Variants in TRAK1 observed in about 807,000 individuals in gnomAD.
TRAK1 encodes trafficking kinesin-binding protein 1.
A neutral mutation model predicts 92.1 loss-of-function variants in TRAK1; 33 were observed. That is an observed-to-expected ratio of 0.36 (90% CI 0.27 to 0.48). TRAK1 has a LOEUF of 0.48. Among genes scored for constraint, TRAK1 ranks in the 20% least tolerant of loss-of-function variants. The pLI is 0.99. For missense variants in TRAK1, 1,123 were observed against 1,257.9 expected (o/e 0.89, Z 1.62); for synonymous variants, 521 against 517.3 (o/e 1.01, Z -0.10).
intron 10 of TRAK1, among the ~76,000 whole-genome samples, chr3:42,195,321 A>C (rs771778294): frequency 1.3e-5 from 2 of 152,222 alleles, no homozygotes; most frequent in Non-Finnish European, 2.9e-5. Context: ...TAGACATTTA[A>C]TAGACATTAC....
intron 1 of TRAK1, among the ~76,000 whole-genome samples, chr3:42,107,056 C>G (rs1025024373): frequency 5.3e-5 from 8 of 152,130 alleles, no homozygotes; most frequent in African/African-American, 1.9e-4. Context: ...TTGCTTGTCC[C>G]CTAGTTAGAG....
intron 1 of TRAK1, among the ~76,000 whole-genome samples, chr3:42,078,301 G>A (rs1246547028): frequency 6.6e-6 from 1 of 152,126 alleles, no homozygotes; most frequent in East Asian, 1.9e-4. Flanking sequence ...AGTCAAGCAC[G>A]GATCTAGATA....
chr3:42,029,526 G>A (rs979926430), intron 1 of TRAK1, among the ~76,000 whole-genome samples: 11 of 151,750 alleles, frequency 7.2e-5, no homozygotes, highest in African/African-American at 2.7e-4. Context: ...ACAGGTATGA[G>A]TCAGTGTGCC....
intron 9 of TRAK1, 122 bp downstream of exon 9, chr3:42,194,020 T>A: frequency 1.0e-6 from 1 of 956,212 alleles, no homozygotes. Context: ...TCATTTCATT[T>A]TTATTCGTGG....
chr3:42,202,658 C>G lies in TRAK1; in HGVS notation c.1650C>G (p.His550Gln). The change falls in exon 13 of 16, where the codon CAC (histidine) becomes CAG (glutamine). Residue 550 changes from histidine to glutamine, a missense_variant. His to Gln is a conservative substitution (Grantham distance 24). Transcript: ENST00000327628. This position sits in a 1 kb window ranked among gnomAD's most constrained non-coding sequence, Gnocchi z 6.1. ...AGAGCATCATGTCCCTGGGCACGCA[C>G]TCCCGCTTCTCCGAGTTCACCGGCT... The part of the protein sequence containing the change: ...PTESIMSLGT[H>Q]SRFSEFTGFS... The G allele has an allele frequency of 6.2e-7, 1 of 1,613,390 alleles. No homozygotes were observed. The highest frequency in any genetic ancestry group is 8.5e-7 in the Non-Finnish European group (1 of 1,179,414).
At chr3:42,153,852 C>G (rs138478870) in intron 2 of TRAK1, among the ~76,000 whole-genome samples, 7 of 152,258 alleles carry the variant, frequency 4.6e-5, no homozygotes, top group African/African-American at 1.7e-4. Context: ...CGTGTTGACG[C>G]AAACAGATCC....
At chr3:42,149,864 G>A (rs992717545) in intron 2 of TRAK1, among the ~76,000 whole-genome samples, 2 of 152,294 alleles carry the variant, frequency 1.3e-5, no homozygotes, top group Non-Finnish European at 2.9e-5. Flanking sequence ...GCTTGTAAGT[G>A]TTATACTTCT....
At chr3:42,149,657 G>C in intron 2 of TRAK1, 1 of 1,534,928 alleles carries the variant, frequency 6.5e-7, no homozygotes, top group South Asian at 1.2e-5. Context: ...TCTCCTTCTG[G>C]GTGGGGGGTG....
At position 42,069,630 on chromosome 3, in the gene TRAK1, C is replaced by T. The variant is rs113157186; in HGVS notation, c.-518-17474C>T. ...TTTCCCACTTAATCTATCTCTAGAG[C>T]GTCTTTTCTTGGCCACCATGTGATT... On this transcript the variant is annotated intron_variant, in intron 1 of 16. Coordinates refer to the TRAK1 transcript ENST00000487159. Among the ~76,000 whole-genome samples the T allele has an allele frequency of 4.9e-3, 744 of 152,230 alleles. 2 individuals are homozygous for T. Among genetic ancestry groups the T allele is most frequent in the Non-Finnish European group, 8.2e-3 (558 of 68,000 alleles).
intron 1 of TRAK1, among the ~76,000 whole-genome samples, chr3:42,110,094 G>GTATATATATT (rs1708156005): frequency 1.2e-5 from 1 of 83,238 alleles, no homozygotes; most frequent in African/African-American, 5.6e-5. Flanking sequence ...AGAACTTAAA[G>GTATATATATT]TATATATATA....
intron 2 of TRAK1, among the ~76,000 whole-genome samples, chr3:42,135,275 G>T (rs1697801949): frequency 6.6e-6 from 1 of 152,198 alleles, no homozygotes; most frequent in South Asian, 2.1e-4. Context: ...TCTGTACAGA[G>T]GGTGGAGCCC....
At chr3:42,020,953 C>G (rs1001192005) in intron 1 of TRAK1, among the ~76,000 whole-genome samples, 1 of 151,942 alleles carries the variant, frequency 6.6e-6, no homozygotes, top group African/African-American at 2.4e-5. Flanking sequence ...CTTGCCTGCA[C>G]TGAAGAATTT....
At chr3:42,148,477 T>C (rs181312009) in intron 2 of TRAK1, among the ~76,000 whole-genome samples, 126 of 152,280 alleles carry the variant, frequency 8.3e-4, no homozygotes, top group African/African-American at 2.7e-3. Context: ...ATTAACTGTA[T>C]TTTTTAAGGA....
rs1017046777 is a variant in TRAK1 at position 42,202,155 on chromosome 3, G to T, written c.1428-281G>T. On this transcript the variant is annotated intron_variant, in intron 12 of 15. Coordinates refer to ENST00000327628, the MANE Select transcript of TRAK1 (RefSeq NM_001042646.3). This position sits in a 1 kb window ranked among gnomAD's most constrained non-coding sequence, Gnocchi z 6.1. ...AGGTTTCTTCCTAAAGGTTCTTCAGGGAGATGTTTACAGGGACTGAATTTA... is the reference window on the plus strand; with the variant it reads ...AGGTTTCTTCCTAAAGGTTCTTCAGTGAGATGTTTACAGGGACTGAATTTA... Among the ~76,000 whole-genome samples, 4 of 152,048 alleles carry T rather than the reference G, an allele frequency of 2.6e-5. No individual in the cohort carries two copies. Among genetic ancestry groups the T allele is most frequent in the African/African-American group, 9.7e-5 (4 of 41,392 alleles).
chr3:42,129,449 G>A (rs549718126), intron 2 of TRAK1, among the ~76,000 whole-genome samples: 8 of 152,174 alleles, frequency 5.3e-5, no homozygotes, highest in Admixed American at 1.3e-4. Context: ...GGAGAAACGC[G>A]GCTTTACCTT....
chr3:42,212,373 C>T (rs1472197116), intron 14 of TRAK1: 3 of 985,256 alleles, frequency 3.0e-6, no homozygotes, highest in East Asian at 1.1e-4. Context: ...AGGTGATGAA[C>T]CTTTTTATGT....
chr3:42,176,876 C>A lies in TRAK1; in HGVS notation c.349C>A (p.Arg117=), dbSNP rs757849094. Residue 117 remains arginine (R), a synonymous_variant, in exon 3 of 16, where the codon CGG becomes AGG. Transcript: ENST00000327628. The stretch of plus-strand genomic sequence containing the variant: ...ATATAATGACATAGATGCTGTCACT[C>A]GGCTTCTTGAGGAGGTAAGTGCTCC... ...KTYNDIDAVT[R]LLEEKERDLE... 5.0e-6 allele frequency: 8 copies of A among 1,613,806 alleles called. No homozygotes were observed. The Admixed American group carries it at 1.0e-4, about 20-fold the overall frequency.
chr3:42,013,774 C>T (rs1392526697), upstream of TRAK1: 2 of 149,298 alleles, frequency 1.3e-5, no homozygotes, highest in East Asian at 3.9e-4. This position sits in a 1 kb window ranked among gnomAD's most constrained non-coding sequence, Gnocchi z 5.1. Flanking sequence ...GCCCTTGACG[C>T]CCGCGCGCCT....
chr3:42,110,013 A>G (rs530787821), intron 1 of TRAK1, among the ~76,000 whole-genome samples: 33 of 146,608 alleles, frequency 2.3e-4, no homozygotes, highest in African/African-American at 6.5e-4. Flanking sequence ...TGATGAGTTA[A>G]TGGGTGCAGC....
Sources: allele counts gnomAD v4.1 joint callset (sites outside exome capture counted in the v4.1 genomes callset), GRCh38; gene constraint gnomAD v4.1.1; non-coding constraint Gnocchi (gnomAD v3.1); transcripts MANE v1.5; gene names NCBI Gene and HGNC (gene_info 2026-07-23, HGNC 2026-07-21).